The following PARP16 variants were observed in gnomAD, a reference collection of about 807,000 sequenced individuals.
PARP16 encodes poly(ADP-ribose) polymerase family member 16, also known as protein mono-ADP-ribosyltransferase PARP16.
PARP16 carries 31 observed loss-of-function variants against 35.0 expected under a neutral mutation model. The ratio of observed to expected loss-of-function variants is 0.88; its 90% CI spans 0.66 to 1.19. The LOEUF is 1.19. PARP16 is among the 50% of genes most tolerant of loss of function. PARP16 has a pLI of 0.00. For synonymous variants in PARP16, 162 were observed against 169.5 expected, an observed-to-expected ratio of 0.96 and a Z score of 0.34; for missense variants, 424 against 411.2, an observed-to-expected ratio of 1.03 and a Z score of -0.27.
chr15:65,238,409 C>T (rs1567007424), intron 3 of PARP16, among the ~76,000 whole-genome samples: 2 of 152,222 alleles, frequency 1.3e-5, no homozygotes, highest in South Asian at 4.1e-4. Flanking sequence ...CGCTCACCAC[C>T]ACATCTGTCC....
At chr15:65,267,531 C>CA (rs1391450014) in intron 2 of PARP16, among the ~76,000 whole-genome samples, 1 of 151,258 alleles carries the variant, frequency 6.6e-6, no homozygotes, top group African/African-American at 2.4e-5. Context: ...GGTGTGAACC[C>CA]AGGAGGCAGA....
chr15:65,255,156 A>G (rs920687), downstream of PARP16, among the ~76,000 whole-genome samples: 147,536 of 152,098 alleles, frequency 0.97, 71,690 homozygotes, highest in East Asian at 1. Context: ...ATTTTGGGTC[A>G]GTGCTAAATA....
At chr15:65,276,588 A>C (rs1454252877) in intron 1 of PARP16, among the ~76,000 whole-genome samples, 2 of 151,988 alleles carry the variant, frequency 1.3e-5, no homozygotes, top group African/African-American at 4.8e-5. Flanking sequence ...CTGGTCTCAA[A>C]ACTCCCGGGC....
chr15:65,236,230 A>G (rs2088875318), intron 3 of PARP16, among the ~76,000 whole-genome samples: 1 of 152,200 alleles, frequency 6.6e-6, no homozygotes, highest in Non-Finnish European at 1.5e-5. Flanking sequence ...CTTAGAATAG[A>G]ACGGTGAATA....
At chr15:65,244,029 C>T (rs925772731) in intron 3 of PARP16, among the ~76,000 whole-genome samples, 8 of 152,160 alleles carry the variant, frequency 5.3e-5, no homozygotes, top group Non-Finnish European at 1.2e-4. Flanking sequence ...TTCTGGCTAT[C>T]CCAAGAGTAT....
chr15:65,265,514 G>A (rs2089859845), intron 3 of PARP16, among the ~76,000 whole-genome samples: 1 of 152,304 alleles, frequency 6.6e-6, no homozygotes, highest in South Asian at 2.1e-4. Context: ...GAAGTGGATA[G>A]ATGACTGTTT....
downstream of PARP16, among the ~76,000 whole-genome samples, chr15:65,255,743 GAA>G (rs56665485): frequency 8.4e-4 from 48 of 57,158 alleles, no homozygotes; most frequent in East Asian, 0.018. Flanking sequence ...AGAAAACTCA[GAA>G]AAAAAAAAAA....
At chr15:65,240,815 G>C (rs987171220) in intron 3 of PARP16, among the ~76,000 whole-genome samples, 3 of 149,262 alleles carry the variant, frequency 2.0e-5, no homozygotes, top group Non-Finnish European at 3.0e-5. Context: ...TTAACTTTTT[G>C]AGAAATTGCA....
chr15:65,265,841 GCAA>G lies in PARP16; in HGVS notation c.519+718_519+720del, dbSNP rs1384079981. Among the ~76,000 whole-genome samples, 3 of 152,360 alleles carry G rather than the reference GCAA, an allele frequency of 2.0e-5. No individual in the cohort carries two copies. In the East Asian group the frequency reaches 5.8e-4, roughly 29 times the overall value. On this transcript the variant is annotated intron_variant, in intron 3 of 5. Coordinates refer to ENST00000649807, the MANE Select transcript of PARP16 (RefSeq NM_001316943.2). ...TGGGATCACCTGGAGAGCTTTTAAA[GCAA>G]CTGATGCCTGTGCTCCACTCGGAGA... is the stretch of plus-strand genomic sequence containing the variant.
At chr15:65,235,074 A>T (rs2088840371) in intron 3 of PARP16, among the ~76,000 whole-genome samples, 1 of 152,220 alleles carries the variant, frequency 6.6e-6, no homozygotes, top group African/African-American at 2.4e-5. Flanking sequence ...GCAGCACACC[A>T]ACATGGCACA....
At chr15:65,247,504 T>C (rs2089240428) in intron 3 of PARP16, among the ~76,000 whole-genome samples, 1 of 152,176 alleles carries the variant, frequency 6.6e-6, no homozygotes, top group Non-Finnish European at 1.5e-5. Context: ...CCTCCTTCTG[T>C]AAACCACACA....
intron 1 of PARP16, among the ~76,000 whole-genome samples, chr15:65,283,183 T>A (rs181449008): frequency 2.6e-5 from 4 of 152,224 alleles, no homozygotes; most frequent in Admixed American, 2.6e-4. Context: ...AAGCCTGTAA[T>A]CCCAGCACTT....
chr15:65,255,207 C>T (rs904993165), downstream of PARP16, among the ~76,000 whole-genome samples: 2 of 151,494 alleles, frequency 1.3e-5, no homozygotes, highest in Admixed American at 1.3e-4. Flanking sequence ...CTTCCTGCCT[C>T]TCCATTCCCA....
At chr15:65,254,798 C>T (rs898134854), downstream of PARP16, among the ~76,000 whole-genome samples, 18 of 152,096 alleles carry the variant, frequency 1.2e-4, no homozygotes, top group African/African-American at 4.1e-4. Flanking sequence ...ACTCTCCACC[C>T]CTCTCCTGGT....
At chr15:65,284,594 G>A (rs557006111) in intron 1 of PARP16, among the ~76,000 whole-genome samples, 1 of 151,704 alleles carries the variant, frequency 6.6e-6, no homozygotes, top group East Asian at 1.9e-4. Context: ...CCAAAGTGCT[G>A]GGATTACAGG....
At chr15:65,251,729 T>C (rs1450520664) in intron 2 of PARP16, among the ~76,000 whole-genome samples, 1 of 152,148 alleles carries the variant, frequency 6.6e-6, no homozygotes, top group East Asian at 1.9e-4. Flanking sequence ...TTTGATGAGA[T>C]ACTAGTTGGG....
rs1303038426 is a variant in PARP16 at position 65,286,696 on chromosome 15, G to T, written c.-270C>A. Reference sequence around the variant, plus strand: ...GGGGAGGTTGGGCCCAGGGATAAAGGAACTGGGGCTGGTGGGGGGGAGGGG... The same window carrying T: ...GGGGAGGTTGGGCCCAGGGATAAAGTAACTGGGGCTGGTGGGGGGGAGGGG... On this transcript the variant is annotated 5_prime_UTR_variant, in exon 1 of 6. Transcript: ENST00000649807. 3.3e-5 allele frequency: 9 copies of T among 270,114 alleles called. No individual in the cohort carries two copies. The highest frequency in any genetic ancestry group is 1.3e-4 in the East Asian group (2 of 15,098). The allele number at this position is 270,114 out of a possible 1,614,324, so 16.7% of individuals were successfully genotyped here.
Position 65,260,877 on chromosome 15 carries a change from GA to G in PARP16, c.833+7del. ...AATACAGCCATTAGTTGTTCTCTTG[GA>G]CCTTACCTCTTGGGTGGCTTCTGTG... On this transcript the variant is annotated splice_region_variant and intron_variant, in intron 5 of 5. Coordinates refer to ENST00000649807, the MANE Select transcript of PARP16 (RefSeq NM_001316943.2). The G allele has an allele frequency of 6.2e-7, 1 of 1,613,290 alleles. No individual in the cohort carries two copies. Among genetic ancestry groups the G allele is most frequent in the Non-Finnish European group, 8.5e-7 (1 of 1,179,478 alleles).
At chr15:65,271,176 A>G in intron 1 of PARP16, 104 bp from the exon 2 acceptor site, 4 of 1,059,508 alleles carry the variant, frequency 3.8e-6, no homozygotes, top group Non-Finnish European at 5.8e-6. Flanking sequence ...GCACGTCTCA[A>G]GGGATCTCCT....
Sources: allele counts gnomAD v4.1 joint callset (sites outside exome capture counted in the v4.1 genomes callset), GRCh38; gene constraint gnomAD v4.1.1; transcripts MANE v1.5; gene names NCBI Gene and HGNC (gene_info 2026-07-23, HGNC 2026-07-21).